The following GAS2 variants were observed in gnomAD, a reference collection of about 807,000 sequenced individuals.
GAS2 encodes growth arrest specific 2.
In GAS2, 20 loss-of-function variants were observed where a neutral mutation model predicts 37.5. The ratio of observed to expected loss-of-function variants is 0.53; its 90% CI spans 0.37 to 0.77. The LOEUF is 0.77. Among genes scored for constraint, GAS2 ranks in the 30% least tolerant of loss-of-function variants. GAS2 has a pLI of 0.00. For synonymous variants in GAS2, 144 were observed against 132.2 expected (o/e 1.09, Z -0.61); for missense variants, 336 against 373.4 (o/e 0.90, Z 0.82).
intron 7 of GAS2, among the ~76,000 whole-genome samples, chr11:22,769,253 T>C (rs74683137): frequency 0.014 from 2,140 of 152,300 alleles, 39 homozygotes; most frequent in African/African-American, 0.038. Context: ...ACTATTCCTC[T>C]AACAACCTAT....
intron 1 of GAS2, among the ~76,000 whole-genome samples, chr11:22,642,919 G>A (rs769990198): frequency 1.1e-4 from 17 of 152,090 alleles, no homozygotes; most frequent in Middle Eastern, 3.2e-3. Flanking sequence ...CAACATCTGC[G>A]TAGCATTTTG....
chr11:22,801,813 A>T (rs1205655806), intron 7 of GAS2, among the ~76,000 whole-genome samples: 3 of 152,068 alleles, frequency 2.0e-5, no homozygotes, highest in African/African-American at 4.8e-5. Flanking sequence ...ATATTCGTAG[A>T]TTACTTGGCA....
chr11:22,725,461 C>T (rs1454004479), intron 3 of GAS2, among the ~76,000 whole-genome samples: 1 of 152,126 alleles, frequency 6.6e-6, no homozygotes, highest in South Asian at 2.1e-4. Context: ...GAATATCTCA[C>T]TCTGTCACCT....
intron 7 of GAS2, among the ~76,000 whole-genome samples, chr11:22,803,016 A>G (rs987447999): frequency 2.0e-5 from 3 of 152,120 alleles, no homozygotes; most frequent in Admixed American, 6.6e-5. Flanking sequence ...AGTACACTCT[A>G]TGATGTTCAC....
At chr11:22,654,057 C>G (rs1848828630) in intron 1 of GAS2, among the ~76,000 whole-genome samples, 1 of 152,188 alleles carries the variant, frequency 6.6e-6, no homozygotes, top group Non-Finnish European at 1.5e-5. Context: ...TTCAGGTTTT[C>G]CCACCTGATG....
At chr11:22,758,261 A>G (rs1446085201) in intron 7 of GAS2, among the ~76,000 whole-genome samples, 4 of 152,176 alleles carry the variant, frequency 2.6e-5, no homozygotes, top group African/African-American at 9.6e-5. Flanking sequence ...TAGGTGAACA[A>G]CTGCCTCATA....
At chr11:22,636,044 T>TC (rs1475761310) in intron 1 of GAS2, among the ~76,000 whole-genome samples, 2 of 152,326 alleles carry the variant, frequency 1.3e-5, no homozygotes, top group African/African-American at 4.8e-5. Flanking sequence ...GACTCAGTTT[T>TC]CCACCTGGCT....
chr11:22,650,236 G>A (rs1848757119), intron 1 of GAS2, among the ~76,000 whole-genome samples: 1 of 150,886 alleles, frequency 6.6e-6, no homozygotes, highest in Non-Finnish European at 1.5e-5. Context: ...TTTTGAGTGA[G>A]ATTCTTAATC....
chr11:22,660,194 A>C (rs1848901277), intron 1 of GAS2, among the ~76,000 whole-genome samples: 1 of 152,198 alleles, frequency 6.6e-6, no homozygotes. Context: ...GAGGTTGGAG[A>C]ATAAATGAAT....
rs897558012 is a variant in GAS2, at chr11:22,674,915, T to A, written c.46T>A (p.Ser16Thr). The A allele has an allele frequency of 1.1e-5, 17 of 1,613,730 alleles. No individual in the cohort carries two copies. Among genetic ancestry groups the A allele is most frequent in the East Asian group, 8.9e-5 (4 of 44,872 alleles). The stretch of plus-strand genomic sequence containing the variant: ...AAAGGTACGCAGTGGACCTGGCCTC[T>A]CTGATATGCATCAGTATAGCCAATG... ...SPKVRSGPGL[S>T]DMHQYSQWLA... The change falls in exon 2 of 8, where the codon TCT (serine) becomes ACT (threonine). Residue 16 changes from serine to threonine, a missense_variant. By Grantham distance (58) the Ser-to-Thr change is moderately conservative. Transcript: ENST00000454584.
chr11:22,670,217 T>C (rs889644329), intron 1 of GAS2, among the ~76,000 whole-genome samples: 17 of 152,162 alleles, frequency 1.1e-4, no homozygotes, highest in Non-Finnish European at 2.5e-4. Context: ...ATGCTGCAGA[T>C]GACAGCAAAG....
chr11:22,766,555 A>G (rs1278901511), intron 7 of GAS2, among the ~76,000 whole-genome samples: 2 of 152,190 alleles, frequency 1.3e-5, no homozygotes. Context: ...TCCTTTGCCT[A>G]TGTGCTTTGG....
chr11:22,656,834 G>A (rs2133840600), intron 1 of GAS2, among the ~76,000 whole-genome samples: 1 of 152,204 alleles, frequency 6.6e-6, no homozygotes, highest in African/African-American at 2.4e-5. Flanking sequence ...GCACTTACAT[G>A]CTTTCATACT....
At chr11:22,730,759 G>C (rs752898448) in intron 4 of GAS2, among the ~76,000 whole-genome samples, 9 of 151,674 alleles carry the variant, frequency 5.9e-5, no homozygotes, top group Non-Finnish European at 1.3e-4. Flanking sequence ...TTTAGTTGTA[G>C]AGTTAAAAAT....
intron 3 of GAS2, among the ~76,000 whole-genome samples, chr11:22,699,531 A>G (rs1850720034): frequency 6.6e-6 from 1 of 152,182 alleles, no homozygotes; most frequent in Non-Finnish European, 1.5e-5. Context: ...TGCAAGGATT[A>G]TGCAGCATAG....
intron 2 of GAS2, among the ~76,000 whole-genome samples, chr11:22,675,674 G>A (rs1267013439): frequency 1.1e-5 from 1 of 88,622 alleles, no homozygotes; most frequent in Non-Finnish European, 2.9e-5. Flanking sequence ...CATGTTTAAA[G>A]GATCATCATA....
intron 1 of GAS2, among the ~76,000 whole-genome samples, chr11:22,652,678 G>A (rs902919143): frequency 1.3e-5 from 2 of 152,196 alleles, no homozygotes; most frequent in Non-Finnish European, 2.9e-5. Flanking sequence ...GGAGTGACCC[G>A]ATTTTCCAGG....
intron 7 of GAS2, among the ~76,000 whole-genome samples, chr11:22,782,355 G>T (rs938017911): frequency 4.6e-5 from 7 of 152,114 alleles, no homozygotes; most frequent in Non-Finnish European, 8.8e-5. Context: ...GAAAAATAAA[G>T]TTAAGGGGTT....
chr11:22,737,596 C>T, intron 4 of GAS2, 109 bp from the exon 5 acceptor site: 1 of 960,926 alleles, frequency 1.0e-6, no homozygotes, highest in Non-Finnish European at 1.7e-6. Flanking sequence ...AGAATGAAGA[C>T]TAGATCCTTT....
Sources: allele counts gnomAD v4.1 joint callset (sites outside exome capture counted in the v4.1 genomes callset), GRCh38; gene constraint gnomAD v4.1.1; transcripts MANE v1.5; gene names NCBI Gene and HGNC (gene_info 2026-07-23, HGNC 2026-07-21).